MRAP2: variants seen among roughly 807,000 people sequenced by gnomAD.
The protein encoded by MRAP2 is melanocortin 2 receptor accessory protein 2.
Under a neutral mutation model 17.4 loss-of-function variants are expected in MRAP2, and 20 were observed. That is an observed-to-expected ratio of 1.15 (90% CI 0.81 to 1.67). MRAP2 has a LOEUF of 1.67. Ranked by LOEUF, MRAP2 falls within the 40% of genes most tolerant of loss-of-function variation. The probability of loss-of-function intolerance (pLI) is 0.00; values close to 1 mark genes in which losing one functional copy is unlikely to be tolerated. For missense variants in MRAP2, 238 were observed against 240.0 expected (o/e 0.99, Z 0.05); for synonymous variants, 96 against 88.4 (o/e 1.09, Z -0.48).
intron 3 of MRAP2, among the ~76,000 whole-genome samples, chr6:84,085,349 C>T (rs764759998): frequency 3.9e-5 from 6 of 152,104 alleles, no homozygotes; most frequent in East Asian, 1.9e-4. Flanking sequence ...ACACCGCGCC[C>T]GGCCCCTTCA....
chr6:84,034,077 G>T (rs1380667911), intron 1 of MRAP2, among the ~76,000 whole-genome samples, 194 bp downstream of exon 1: 1 of 152,056 alleles, frequency 6.6e-6, no homozygotes, highest in Non-Finnish European at 1.5e-5. Flanking sequence ...GGACCCCGTG[G>T]AGAGCACCAA....
intron 2 of MRAP2, among the ~76,000 whole-genome samples, chr6:84,061,315 A>C (rs1212993683): frequency 6.6e-6 from 1 of 152,222 alleles, no homozygotes; most frequent in Non-Finnish European, 1.5e-5. Context: ...TTGTATTTCC[A>C]CATAGACAAG....
intron 1 of MRAP2, chr6:84,045,423 C>G: frequency 1.0e-6 from 1 of 980,124 alleles, no homozygotes; most frequent in Non-Finnish European, 1.2e-6. Flanking sequence ...ATGACCTGCC[C>G]CCAGCCGTCA....
At chr6:84,099,965 A>G in the MRAP2 span, among the ~76,000 whole-genome samples, 3 of 151,048 alleles carry the variant, frequency 2.0e-5, no homozygotes, top group Non-Finnish European at 4.4e-5. Flanking sequence ...GGTTCAAGCG[A>G]TTCTCCCGCC....
At chr6:84,096,306 C>T in the MRAP2 span, among the ~76,000 whole-genome samples, 3 of 152,086 alleles carry the variant, frequency 2.0e-5, no homozygotes, top group Non-Finnish European at 4.4e-5. Flanking sequence ...TGAACCTACC[C>T]AGATAACCTT....
chr6:84,113,196 A>G, the MRAP2 span, among the ~76,000 whole-genome samples: 1 of 152,020 alleles, frequency 6.6e-6, no homozygotes, highest in African/African-American at 2.4e-5. Flanking sequence ...ACAGTAGGGT[A>G]AAGTCTCCCA....
the MRAP2 span, among the ~76,000 whole-genome samples, chr6:84,140,986 T>A: frequency 1.3e-5 from 2 of 152,176 alleles, no homozygotes; most frequent in Non-Finnish European, 2.9e-5. Flanking sequence ...TAGATTCTCT[T>A]ATATAAGCCC....
At chr6:84,138,976 C>T in the MRAP2 span, among the ~76,000 whole-genome samples, 2 of 152,180 alleles carry the variant, frequency 1.3e-5, no homozygotes, top group South Asian at 4.1e-4. Flanking sequence ...TTTCATAATA[C>T]AATTGGCTCT....
In MRAP2 at chr6:84,036,495, T is replaced by C. The variant is rs111528195; in HGVS notation, c.-8+2612T>C. On this transcript the variant is annotated intron_variant, in intron 1 of 3. Coordinates refer to ENST00000257776, the MANE Select transcript of MRAP2 (RefSeq NM_138409.4). ...TGCTCCTTCTGATGTTCGGACGTGT[T>C]TGGAGTTTCTTCCTTCTGGTGGGTT... Among the ~76,000 whole-genome samples the C allele has an allele frequency of 8.1e-3, 1,234 of 152,156 alleles. 19 individuals are homozygous for C. The highest frequency in any genetic ancestry group is 0.028 in the African/African-American group (1,172 of 41,500).
intron 3 of MRAP2, among the ~76,000 whole-genome samples, chr6:84,083,062 A>C (rs1350974703): frequency 6.6e-6 from 1 of 152,210 alleles, no homozygotes; most frequent in Non-Finnish European, 1.5e-5. Context: ...CGGCCAATAG[A>C]AAAAGAGTAC....
In MRAP2 at chr6:84,089,426, C is replaced by T. The variant is rs765666037; in HGVS notation, c.563C>T (p.Pro188Leu). ...GATGATCTTCTGATTTCTGAACCAC[C>T]TATTGTTCTGGAAACTAAGCCACTT... ...GEDDLLISEP[P>L]IVLETKPLSQ... Residue 188 changes from proline to leucine, a missense_variant, in exon 4 of 4, where the codon CCT becomes CTT. Transcript: ENST00000257776. 1 of 1,614,028 alleles carries T rather than the reference C, an allele frequency of 6.2e-7. No individual in the cohort carries two copies. Among genetic ancestry groups the T allele is most frequent in the Non-Finnish European group, 8.5e-7 (1 of 1,180,024 alleles).
chr6:84,094,821 A>T (rs572787104), downstream of MRAP2, among the ~76,000 whole-genome samples: 1 of 151,998 alleles, frequency 6.6e-6, no homozygotes, highest in Non-Finnish European at 1.5e-5. Flanking sequence ...CCTCCCAAGT[A>T]GCTGGGACTA....
chr6:84,044,392 G>A lies in MRAP2; in HGVS notation c.-8+10509G>A, dbSNP rs368975173. 2.6e-5 allele frequency among the ~76,000 whole-genome samples: 4 copies of A among 152,170 alleles called. No individual in the cohort carries two copies. In the South Asian group the frequency reaches 6.2e-4, roughly 24 times the overall value. ...AGTAGAGACGAGGTTTCTCCATGTT[G>A]GTCAGGCTGGTCTTGAACTCCCGAC... On this transcript the variant is annotated intron_variant, in intron 1 of 3. Coordinates refer to ENST00000257776, the MANE Select transcript of MRAP2 (RefSeq NM_138409.4).
the MRAP2 span, among the ~76,000 whole-genome samples, chr6:84,143,119 T>A: frequency 6.6e-6 from 1 of 151,964 alleles, no homozygotes; most frequent in Non-Finnish European, 1.5e-5. Flanking sequence ...AGTTAAATAA[T>A]AAATAGTCAC....
intron 2 of MRAP2, chr6:84,062,169 C>G: frequency 1.2e-5 from 11 of 924,932 alleles, no homozygotes; most frequent in Non-Finnish European, 1.4e-5. Flanking sequence ...TACTTGCATT[C>G]TTAGGTATGA....
the MRAP2 span, among the ~76,000 whole-genome samples, chr6:84,102,244 C>A: frequency 6.6e-6 from 1 of 152,118 alleles, no homozygotes; most frequent in Non-Finnish European, 1.5e-5. Context: ...CCTATGTCCG[C>A]CTGTGAATAT....
chr6:84,084,687 T>C (rs1335209849), intron 3 of MRAP2, among the ~76,000 whole-genome samples: 3 of 152,038 alleles, frequency 2.0e-5, no homozygotes, highest in South Asian at 2.1e-4. Flanking sequence ...AGGCTCTATG[T>C]ATTAACTCTA....
At chr6:84,134,218 T>G in the MRAP2 span, among the ~76,000 whole-genome samples, 926 of 152,252 alleles carry the variant, frequency 6.1e-3, 2 homozygotes, top group Non-Finnish European at 0.01. Context: ...CCACCAAGCT[T>G]GAGCATCCCA....
intron 3 of MRAP2, among the ~76,000 whole-genome samples, chr6:84,082,973 C>T (rs1416587196): frequency 6.6e-6 from 1 of 152,080 alleles, no homozygotes; most frequent in Non-Finnish European, 1.5e-5. Flanking sequence ...TCCCCTCTCT[C>T]CCTTACGTGC....
Sources: allele counts gnomAD v4.1 joint callset (sites outside exome capture counted in the v4.1 genomes callset), GRCh38; gene constraint gnomAD v4.1.1; transcripts MANE v1.5; gene names NCBI Gene and HGNC (gene_info 2026-07-23, HGNC 2026-07-21).